Variants in AIG1 observed in about 807,000 individuals in gnomAD.
The protein encoded by AIG1 is androgen induced 1.
Under a neutral mutation model 31.4 loss-of-function variants are expected in AIG1, and 23 were observed. That is an observed-to-expected ratio of 0.73 (90% CI 0.53 to 1.04). The LOEUF (loss-of-function observed/expected upper bound fraction) is 1.04, where lower values mean the gene tolerates loss of function less well. Ranked by LOEUF, AIG1 falls within the 50% of genes least tolerant of loss-of-function variation. The pLI, the probability that AIG1 is intolerant of heterozygous loss-of-function variation, is 0.00. For synonymous variants in AIG1, 100 were observed against 110.5 expected, an observed-to-expected ratio of 0.90 and a Z score of 0.60; for missense variants, 274 against 295.0, an observed-to-expected ratio of 0.93 and a Z score of 0.52.
chr6:143,097,060 T>C (rs955850491), intron 1 of AIG1, among the ~76,000 whole-genome samples: 1 of 152,168 alleles, frequency 6.6e-6, no homozygotes, highest in Admixed American at 6.5e-5. Flanking sequence ...TGACCTAATT[T>C]GATATTTAAA....
At chr6:143,129,315 A>G (rs1308952781) in intron 1 of AIG1, among the ~76,000 whole-genome samples, 1 of 152,272 alleles carries the variant, frequency 6.6e-6, no homozygotes, top group East Asian at 1.9e-4. Context: ...AAGAAAAAAG[A>G]AAATAGGAAA....
chr6:143,119,211 C>T (rs1054505541), intron 1 of AIG1, among the ~76,000 whole-genome samples: 4 of 152,260 alleles, frequency 2.6e-5, no homozygotes, highest in South Asian at 2.1e-4. Context: ...TCTGGGAGCA[C>T]GCTGGCTATG....
intron 1 of AIG1, among the ~76,000 whole-genome samples, chr6:143,071,656 C>CGTGGTGGTG (rs925359508): frequency 1.3e-5 from 2 of 151,690 alleles, no homozygotes; most frequent in African/African-American, 2.4e-5. Context: ...GATATCTCAT[C>CGTGGTGGTG]GTGGTGGTGG....
intron 3 of AIG1, among the ~76,000 whole-genome samples, chr6:143,191,962 C>G (rs1422520576): frequency 6.6e-6 from 1 of 152,100 alleles, no homozygotes; most frequent in Non-Finnish European, 1.5e-5. Flanking sequence ...AGGCTAGTTC[C>G]CAAACTCTCC....
At chr6:143,207,996 G>C (rs1791259997) in intron 3 of AIG1, among the ~76,000 whole-genome samples, 1 of 152,102 alleles carries the variant, frequency 6.6e-6, no homozygotes, top group Non-Finnish European at 1.5e-5. Flanking sequence ...GAGATGAAAA[G>C]AGATAAAGGG....
chr6:143,068,777 TAGAG>T lies in AIG1; in HGVS notation c.141+7715_141+7718del, dbSNP rs35053100. Among the ~76,000 whole-genome samples the T allele has an allele frequency of 8.2e-3, 1,252 of 152,258 alleles. 13 individuals carry two copies. Among genetic ancestry groups the T allele is most frequent in the African/African-American group, 0.027 (1,124 of 41,536 alleles). ...TGGAACTTTAGTACATACAGGAACATAGAGAGACTACAGTATATATGTATATGTG... is the reference window on the plus strand; with the variant it reads ...TGGAACTTTAGTACATACAGGAACATAGACTACAGTATATATGTATATGTG... On this transcript the variant is annotated intron_variant, in intron 1 of 5. Coordinates refer to ENST00000357847, the MANE Select transcript of AIG1 (RefSeq NM_016108.4).
intron 3 of AIG1, among the ~76,000 whole-genome samples, chr6:143,179,002 G>A (rs1332656585): frequency 6.6e-6 from 1 of 152,170 alleles, no homozygotes; most frequent in Admixed American, 6.5e-5. Flanking sequence ...TGGGGAGTGG[G>A]CTCAACCAGG....
chr6:143,228,805 C>G (rs1793214358), intron 3 of AIG1, among the ~76,000 whole-genome samples: 1 of 152,200 alleles, frequency 6.6e-6, no homozygotes, highest in African/African-American at 2.4e-5. Context: ...AGGTGTGGAG[C>G]TCGCTTTTAA....
At chr6:143,222,884 A>G (rs1450891446) in intron 3 of AIG1, among the ~76,000 whole-genome samples, 1 of 152,226 alleles carries the variant, frequency 6.6e-6, no homozygotes, top group Non-Finnish European at 1.5e-5. Flanking sequence ...CTGAATTTGG[A>G]TACATCTTTA....
chr6:143,099,405 G>A (rs1280096951), intron 1 of AIG1: 10 of 152,144 alleles, frequency 6.6e-5, no homozygotes, highest in South Asian at 2.1e-4. Context: ...AAAGTTAACC[G>A]TGGAATAAAT....
chr6:143,319,873 GA>G (rs1776064638), intron 4 of AIG1, among the ~76,000 whole-genome samples: 1 of 152,006 alleles, frequency 6.6e-6, no homozygotes, highest in African/African-American at 2.4e-5. Context: ...AGAGAAATGA[GA>G]CGGCATCATA....
chr6:143,311,915 C>G (rs1583832882), intron 4 of AIG1, among the ~76,000 whole-genome samples: 2 of 151,920 alleles, frequency 1.3e-5, no homozygotes, highest in South Asian at 4.1e-4. Context: ...AATATGCCAA[C>G]ATTGAAGAAT....
At chr6:143,161,465 G>A (rs2328455) in intron 2 of AIG1, among the ~76,000 whole-genome samples, 61,977 of 151,472 alleles carry the variant, frequency 0.41, 14,360 homozygotes, top group African/African-American at 0.64. Context: ...TATACTTCAT[G>A]AATAGAGATG....
intron 4 of AIG1, among the ~76,000 whole-genome samples, chr6:143,332,540 C>A (rs991944271): frequency 6.6e-6 from 1 of 152,130 alleles, no homozygotes; most frequent in Non-Finnish European, 1.5e-5. Context: ...ATCTGAAGAT[C>A]AGAGGAGTGG....
At chr6:143,100,261 G>T (rs1780134840) in intron 1 of AIG1, among the ~76,000 whole-genome samples, 1 of 152,140 alleles carries the variant, frequency 6.6e-6, no homozygotes, top group Non-Finnish European at 1.5e-5. Context: ...TACATGAAGA[G>T]GGCTTCCCTT....
At chr6:143,290,501 A>T (rs1562561785) in intron 4 of AIG1, among the ~76,000 whole-genome samples, 1 of 152,142 alleles carries the variant, frequency 6.6e-6, no homozygotes, top group African/African-American at 2.4e-5. Context: ...CCCCCTTACC[A>T]GTTGAATGCT....
chr6:143,093,390 A>G (rs372547829), intron 1 of AIG1, among the ~76,000 whole-genome samples: 24 of 152,274 alleles, frequency 1.6e-4, no homozygotes, highest in African/African-American at 4.6e-4. Flanking sequence ...GCCCTCATAG[A>G]ATTGAAGAGA....
chr6:143,339,133 GC>G (rs1278607066), intron 5 of AIG1: 2 of 151,750 alleles, frequency 1.3e-5, no homozygotes, highest in Non-Finnish European at 2.9e-5. Flanking sequence ...AGCTCTTATG[GC>G]TAATAAACTC....
intron 2 of AIG1, among the ~76,000 whole-genome samples, chr6:143,155,958 C>T (rs1270968493): frequency 6.6e-6 from 1 of 152,172 alleles, no homozygotes; most frequent in African/African-American, 2.4e-5. Flanking sequence ...GAACTGAAAC[C>T]AGTGAGCCTG....
Sources: allele counts gnomAD v4.1 joint callset (sites outside exome capture counted in the v4.1 genomes callset), GRCh38; gene constraint gnomAD v4.1.1; transcripts MANE v1.5; gene names NCBI Gene and HGNC (gene_info 2026-07-23, HGNC 2026-07-21).